Variants in NTN4 observed in about 807,000 individuals in gnomAD.
NTN4 encodes netrin-4.
NTN4 carries 32 observed loss-of-function variants against 73.6 expected under a neutral mutation model. That is an observed-to-expected ratio of 0.44 (90% CI 0.33 to 0.58). The LOEUF (loss-of-function observed/expected upper bound fraction) is 0.58, where lower values mean the gene tolerates loss of function less well. Ranked by LOEUF, NTN4 falls within the 20% of genes least tolerant of loss-of-function variation. NTN4 has a pLI of 0.04. For missense variants in NTN4, 654 were observed against 798.3 expected, an observed-to-expected ratio of 0.82 and a Z score of 2.18; for synonymous variants, 258 against 287.5, an observed-to-expected ratio of 0.90 and a Z score of 1.04.
At chr12:95,702,148 C>G (rs565784482) in intron 5 of NTN4, among the ~76,000 whole-genome samples, 1 of 151,770 alleles carries the variant, frequency 6.6e-6, no homozygotes, top group African/African-American at 2.4e-5. Flanking sequence ...GGTGTGGTGA[C>G]GAGCACCTGT....
At chr12:95,727,505 C>T (rs1482116365) in intron 3 of NTN4, among the ~76,000 whole-genome samples, 9 of 146,546 alleles carry the variant, frequency 6.1e-5, no homozygotes, top group Admixed American at 5.5e-4. Flanking sequence ...ATTGCTTAAT[C>T]CAAAGTCATG....
intron 3 of NTN4, among the ~76,000 whole-genome samples, chr12:95,736,013 A>G (rs889434104): frequency 6.6e-6 from 1 of 151,484 alleles, no homozygotes; most frequent in Non-Finnish European, 1.5e-5. Context: ...ATCTCGGCTC[A>G]CTGCAACCTC....
At chr12:95,698,518 C>G (rs2121044677) in intron 5 of NTN4, among the ~76,000 whole-genome samples, 1 of 152,278 alleles carries the variant, frequency 6.6e-6, no homozygotes, top group Middle Eastern at 3.4e-3. Flanking sequence ...TTGTCCACTT[C>G]TCTTCCCAAA....
rs1434446644 is a variant in NTN4, at chr12:95,790,613, G to C, written c.-304C>G. On this transcript the variant is annotated 5_prime_UTR_variant, in exon 1 of 10. Coordinates refer to ENST00000343702, the MANE Select transcript of NTN4 (RefSeq NM_021229.4). The surrounding 1 kb of genome is among the most constrained non-coding windows in gnomAD (Gnocchi z 6.5). ...CCCCGCGGAGCGGCCCTGCGGGCTC[G>C]TCTGCCGCTAGCCCGGGGCTCGGCG... 8.9e-6 allele frequency: 2 copies of C among 224,204 alleles called. No homozygotes were observed. Among genetic ancestry groups the C allele is most frequent in the Non-Finnish European group, 1.7e-5 (2 of 115,390 alleles). The allele number at this position is 224,204 out of a possible 1,614,324, so 13.9% of individuals were successfully genotyped here. A position where few individuals can be genotyped will look rare whatever the true frequency, so the allele number is the denominator to read the frequency against.
At chr12:95,729,626 AGAGAGAGTGTGTGT>A (rs1280636555) in intron 3 of NTN4, among the ~76,000 whole-genome samples, 15 of 122,514 alleles carry the variant, frequency 1.2e-4, no homozygotes, top group African/African-American at 4.0e-4. Flanking sequence ...AGAGAGAGAG[AGAGAGAGTGTGTGT>A]GTGTGTGTGT....
chr12:95,749,691 G>T (rs901124392), intron 2 of NTN4, among the ~76,000 whole-genome samples: 1 of 152,170 alleles, frequency 6.6e-6, no homozygotes, highest in African/African-American at 2.4e-5. Flanking sequence ...GTCAGATCAC[G>T]CAGGGACGCC....
At chr12:95,785,162 T>C (rs1379922768) in intron 2 of NTN4, among the ~76,000 whole-genome samples, 1 of 152,164 alleles carries the variant, frequency 6.6e-6, no homozygotes, top group Non-Finnish European at 1.5e-5. Flanking sequence ...AAATTTGCAA[T>C]AAATTCAATG....
intron 5 of NTN4, among the ~76,000 whole-genome samples, chr12:95,685,071 T>C (rs1373754839): frequency 2.0e-5 from 3 of 152,166 alleles, no homozygotes; most frequent in African/African-American, 4.8e-5. Flanking sequence ...GGTTTCACCA[T>C]GTCCAGGCTG....
chr12:95,759,602 A>C (rs1251878668), intron 2 of NTN4, among the ~76,000 whole-genome samples: 1 of 150,962 alleles, frequency 6.6e-6, no homozygotes. Flanking sequence ...CTGGGATTAC[A>C]GACACCTGTC....
chr12:95,742,792 T>A (rs1565904216), intron 2 of NTN4, among the ~76,000 whole-genome samples: 3 of 152,204 alleles, frequency 2.0e-5, no homozygotes, highest in Non-Finnish European at 2.9e-5. Context: ...CTCCCCAGCA[T>A]GTCCCACAGT....
intron 3 of NTN4, among the ~76,000 whole-genome samples, chr12:95,732,345 C>T (rs1332259070): frequency 2.7e-5 from 4 of 148,962 alleles, no homozygotes. Flanking sequence ...TGTTCATTTC[C>T]TTAACATCTT....
intron 8 of NTN4, 47 bp downstream of exon 8, chr12:95,670,031 C>T (rs2078215313): frequency 8.6e-7 from 1 of 1,158,024 alleles, no homozygotes; most frequent in Non-Finnish European, 1.2e-6. Flanking sequence ...ATTCTCTGAA[C>T]TTAGTGTGAA....
At position 95,683,700 on chromosome 12, in the gene NTN4, G is replaced by A. The variant is rs2078337886; in HGVS notation, c.1192C>T (p.His398Tyr). The A allele has an allele frequency of 1.2e-6, 2 of 1,606,930 alleles. No individual in the cohort carries two copies. Among genetic ancestry groups the A allele is most frequent in the Non-Finnish European group, 1.7e-6 (2 of 1,176,312 alleles). The change falls in exon 6 of 10, where the codon CAT becomes TAT. Residue 398 changes from histidine (H) to tyrosine (Y), a missense_variant. Transcript: ENST00000343702. ...APDACKPCSC[H>Y]PVGSAVLPAN... is the part of the protein sequence containing the mutation. Reference sequence around the variant, plus strand: ...GGAAGGACAGCTGATCCTACTGGATGGCAGGAACACGCTACAACAGAGAGG... The same window carrying A: ...GGAAGGACAGCTGATCCTACTGGATAGCAGGAACACGCTACAACAGAGAGG...
chr12:95,731,846 C>T (rs893178158), intron 3 of NTN4, among the ~76,000 whole-genome samples: 3 of 151,840 alleles, frequency 2.0e-5, no homozygotes, highest in African/African-American at 7.3e-5. Context: ...ACCCTTCGTT[C>T]GTTTTGGGGA....
intron 2 of NTN4, among the ~76,000 whole-genome samples, chr12:95,739,126 G>A (rs1225939449): frequency 1.3e-5 from 2 of 152,146 alleles, no homozygotes; most frequent in East Asian, 1.9e-4. Flanking sequence ...CAGGACAGTG[G>A]CTGGCACATA....
intron 9 of NTN4, among the ~76,000 whole-genome samples, chr12:95,664,275 C>T (rs1346262907): frequency 6.6e-6 from 1 of 152,108 alleles, no homozygotes; most frequent in African/African-American, 2.4e-5. Flanking sequence ...CCAAACTGGT[C>T]TTGAACTCCT....
At chr12:95,738,540 C>T (rs191845267) in intron 2 of NTN4, among the ~76,000 whole-genome samples, 50 of 152,238 alleles carry the variant, frequency 3.3e-4, no homozygotes, top group African/African-American at 1.2e-3. Context: ...GAGAGAGTGG[C>T]TGGAGAGGCG....
At chr12:95,685,720 G>A (rs1228829351) in intron 5 of NTN4, among the ~76,000 whole-genome samples, 1 of 152,154 alleles carries the variant, frequency 6.6e-6, no homozygotes, top group Non-Finnish European at 1.5e-5. Flanking sequence ...CTTTGAGCAA[G>A]ATACCTAGGC....
chr12:95,755,215 G>A (rs1565909085), intron 2 of NTN4, among the ~76,000 whole-genome samples: 1 of 152,166 alleles, frequency 6.6e-6, no homozygotes, highest in Non-Finnish European at 1.5e-5. Flanking sequence ...TTCTGGCATC[G>A]CCTAAGTTGA....
Sources: gnomAD v4.1 joint callset for allele counts (sites outside exome capture counted in the v4.1 genomes callset) on GRCh38, gnomAD v4.1.1 for gene constraint, Gnocchi (gnomAD v3.1) non-coding constraint, MANE v1.5 for transcripts, NCBI Gene and HGNC (gene_info 2026-07-23, HGNC 2026-07-21) for gene names.